The following VPS13B variants were observed in gnomAD, a reference collection of about 807,000 sequenced individuals.
VPS13B encodes the protein intermembrane lipid transfer protein VPS13B.
A neutral mutation model predicts 426.4 loss-of-function variants in VPS13B; 285 were observed. The observed-to-expected ratio is 0.67, with a 90% CI of 0.61 to 0.74. VPS13B has a LOEUF of 0.74. Among genes scored for constraint, VPS13B ranks in the 30% least tolerant of loss-of-function variants. The pLI, the probability that VPS13B is intolerant of heterozygous loss-of-function variation, is 0.00. For synonymous variants in VPS13B, 1,676 were observed against 1,676.4 expected, an observed-to-expected ratio of 1.00 and a Z score of 0.01; for missense variants, 4,537 against 4,782.6, an observed-to-expected ratio of 0.95 and a Z score of 1.51.
chr8:99,405,771 C>CT (rs1261961883), intron 21 of VPS13B, among the ~76,000 whole-genome samples: 2 of 150,934 alleles, frequency 1.3e-5, no homozygotes, highest in East Asian at 1.9e-4. Context: ...ATACTTCATC[C>CT]TTTTTTTTCT....
At chr8:99,557,660 A>G (rs1230812766) in intron 31 of VPS13B, among the ~76,000 whole-genome samples, 2 of 152,154 alleles carry the variant, frequency 1.3e-5, no homozygotes, top group African/African-American at 4.8e-5. Flanking sequence ...AAAGATACCT[A>G]GTGGTGAGAC....
rs201309214 is a variant in VPS13B, at chr8:99,170,035, T to G, written c.2209-4T>G. On this transcript the variant is annotated splice_polypyrimidine_tract_variant and splice_region_variant and intron_variant, in intron 15 of 61. Coordinates refer to ENST00000357162, the MANE Select transcript of VPS13B (RefSeq NM_152564.5). ...AACACTTGCATCTTTTCTTTTTGTT[T>G]TAGATATTTGGTTTCCAGGCAGGAC... 1.1e-4 allele frequency: 172 copies of G among 1,612,502 alleles called. 2 individuals are homozygous for G. The South Asian group carries it at 1.8e-3, about 16-fold the overall frequency.
At chr8:99,492,842 G>C (rs1258391778) in intron 25 of VPS13B, among the ~76,000 whole-genome samples, 1 of 152,108 alleles carries the variant, frequency 6.6e-6, no homozygotes, top group Non-Finnish European at 1.5e-5. Flanking sequence ...AGACACCCCA[G>C]CATGCTTTGG....
intron 31 of VPS13B, 92 bp from the exon 32 acceptor site, chr8:99,575,566 A>T (rs1733039037): frequency 6.6e-7 from 1 of 1,505,524 alleles, no homozygotes; most frequent in Non-Finnish European, 9.2e-7. Context: ...ATTTTGCCAT[A>T]CATGTTTGTA....
chr8:99,355,583 C>T (rs1418591009), intron 19 of VPS13B, among the ~76,000 whole-genome samples: 1 of 152,140 alleles, frequency 6.6e-6, no homozygotes, highest in African/African-American at 2.4e-5. Flanking sequence ...GAGTGAGACT[C>T]CATCTCAAAA....
intron 33 of VPS13B, among the ~76,000 whole-genome samples, chr8:99,588,592 G>A (rs896171590): frequency 1.3e-5 from 2 of 151,636 alleles, no homozygotes; most frequent in African/African-American, 4.9e-5. Context: ...GTGAATGGGA[G>A]TTCACTCATG....
intron 29 of VPS13B, among the ~76,000 whole-genome samples, chr8:99,514,101 T>C (rs1821932212): frequency 6.6e-6 from 1 of 152,216 alleles, no homozygotes; most frequent in Non-Finnish European, 1.5e-5. Flanking sequence ...TGGCAATACC[T>C]GTGAGAGAAA....
intron 13 of VPS13B, among the ~76,000 whole-genome samples, chr8:99,146,322 T>TAA (rs1350660532): frequency 6.6e-6 from 1 of 152,180 alleles, no homozygotes; most frequent in East Asian, 1.9e-4. Flanking sequence ...TTTACCTTTG[T>TAA]AAAAAATCAA....
chr8:99,222,800 A>G (rs1184250554), intron 17 of VPS13B, among the ~76,000 whole-genome samples: 1 of 152,156 alleles, frequency 6.6e-6, no homozygotes, highest in African/African-American at 2.4e-5. Context: ...TAAAGTGCTC[A>G]TTATTGGTGT....
intron 30 of VPS13B, among the ~76,000 whole-genome samples, chr8:99,540,515 T>A (rs1176917936): frequency 6.6e-6 from 1 of 152,222 alleles, no homozygotes; most frequent in Admixed American, 6.5e-5. Flanking sequence ...TGTTCTCAGT[T>A]CATAAAGTTT....
chr8:99,431,913 G>T (rs1420013186), intron 22 of VPS13B, among the ~76,000 whole-genome samples: 1 of 151,828 alleles, frequency 6.6e-6, no homozygotes, highest in African/African-American at 2.4e-5. Context: ...AAAAATTTTA[G>T]TTCATTCTAC....
At chr8:99,343,117 G>A (rs1811343403) in intron 19 of VPS13B, among the ~76,000 whole-genome samples, 2 of 149,032 alleles carry the variant, frequency 1.3e-5, no homozygotes, top group African/African-American at 5.0e-5. Context: ...TTTTTGAGAC[G>A]GGAGTCTCGC....
chr8:99,096,522 G>A, intron 4 of VPS13B, 90 bp downstream of exon 4: 2 of 1,554,652 alleles, frequency 1.3e-6, no homozygotes, highest in South Asian at 1.1e-5. Context: ...TTGGGGGGCT[G>A]AGGCGGGTGG....
At chr8:99,580,272 A>G (rs1186220675) in intron 33 of VPS13B, among the ~76,000 whole-genome samples, 1 of 150,238 alleles carries the variant, frequency 6.7e-6, no homozygotes, top group East Asian at 1.9e-4. Flanking sequence ...ACATAGTTCT[A>G]TAAGAAGAAA....
chr8:99,308,673 A>G (rs1205187272), intron 19 of VPS13B, among the ~76,000 whole-genome samples: 1 of 152,222 alleles, frequency 6.6e-6, no homozygotes, highest in Non-Finnish European at 1.5e-5. Flanking sequence ...AGCATGATTT[A>G]TAATCCTTTG....
At chr8:99,525,753 AGAATT>A (rs1167296618) in intron 30 of VPS13B, among the ~76,000 whole-genome samples, 1 of 152,214 alleles carries the variant, frequency 6.6e-6, no homozygotes, top group Non-Finnish European at 1.5e-5. Context: ...ATGGTATACT[AGAATT>A]TAATAAGTGA....
At chr8:99,183,262 C>T (rs540690891) in intron 16 of VPS13B, among the ~76,000 whole-genome samples, 6 of 152,198 alleles carry the variant, frequency 3.9e-5, no homozygotes, top group African/African-American at 1.2e-4. Context: ...GACATTATGC[C>T]CCGCTGCTGC....
intron 19 of VPS13B, among the ~76,000 whole-genome samples, chr8:99,299,702 G>A (rs771964577): frequency 6.6e-6 from 1 of 151,902 alleles, no homozygotes; most frequent in Non-Finnish European, 1.5e-5. Context: ...ATGAGGTCAG[G>A]AGTTCGAGAC....
chr8:99,696,653 G>A (rs980802823), intron 35 of VPS13B: 1 of 713,086 alleles, frequency 1.4e-6, no homozygotes, highest in African/African-American at 1.7e-5. Flanking sequence ...AGTTCCTCCA[G>A]GACACCATCG....
Sources: allele counts gnomAD v4.1 joint callset (sites outside exome capture counted in the v4.1 genomes callset), GRCh38; gene constraint gnomAD v4.1.1; transcripts MANE v1.5; gene names NCBI Gene and HGNC (gene_info 2026-07-23, HGNC 2026-07-21).